Variants in TK2 observed in about 807,000 individuals in gnomAD.
TK2 encodes the protein thymidine kinase 2, also known as thymidine kinase 2, mitochondrial.
Under a neutral mutation model 41.9 loss-of-function variants are expected in TK2, and 35 were observed. The ratio of observed to expected loss-of-function variants is 0.84; its 90% CI spans 0.64 to 1.11. TK2 has a LOEUF of 1.11. TK2 is among the 50% of genes least tolerant of loss of function. The pLI is 0.00. For missense variants in TK2, 320 were observed against 351.1 expected (o/e 0.91, Z 0.71); for synonymous variants, 128 against 129.1 (o/e 0.99, Z 0.06).
At chr16:66,549,679 G>A (rs1965723529) in intron 1 of TK2, 4 of 1,229,672 alleles carry the variant, frequency 3.3e-6, no homozygotes, top group Admixed American at 4.3e-5. Context: ...AGTTTGGGCC[G>A]GAATGTTCAG....
chr16:66,549,327 C>A (rs945502433), intron 1 of TK2: 6 of 1,174,122 alleles, frequency 5.1e-6, no homozygotes, highest in Non-Finnish European at 6.4e-6. Context: ...GCAGAACAGC[C>A]TCCACTCGCG....
At chr16:66,515,140 A>C (rs1471462832) in intron 8 of TK2, among the ~76,000 whole-genome samples, 1 of 151,258 alleles carries the variant, frequency 6.6e-6, no homozygotes, top group Non-Finnish European at 1.5e-5. Context: ...CCCCTCTCCG[A>C]GAAACACCCA....
At chr16:66,524,956 T>C (rs1964887439) in intron 6 of TK2, 1 of 152,312 alleles carries the variant, frequency 6.6e-6, no homozygotes, top group Non-Finnish European at 1.5e-5. Context: ...ATTTGCTGCT[T>C]GCCCCCACAC....
At position 66,512,115 on chromosome 16, in the gene TK2, T is replaced by G. The variant is rs755458950; in HGVS notation, c.700-49A>C. On this transcript the variant is annotated intron_variant, in intron 9 of 9. Coordinates refer to ENST00000544898, the MANE Select transcript of TK2 (RefSeq NM_004614.5). ...CAAGGCTGCACTGACCTCAGCAGCATCCTCCTTTCACAGCTGGAGACAGAC... is the reference window on the plus strand; with the variant it reads ...CAAGGCTGCACTGACCTCAGCAGCAGCCTCCTTTCACAGCTGGAGACAGAC... 3 of 1,518,560 alleles carry G rather than the reference T, an allele frequency of 2.0e-6. No individual in the cohort carries two copies. The South Asian group carries it at 3.4e-5, about 17-fold the overall frequency. 94.1% of individuals were successfully genotyped at this position (1,518,560 alleles called of 1,614,324 possible).
chr16:66,545,399 A>C (rs1965576732), intron 2 of TK2, among the ~76,000 whole-genome samples: 1 of 152,226 alleles, frequency 6.6e-6, no homozygotes, highest in African/African-American at 2.4e-5. Flanking sequence ...CAGTCAAAAG[A>C]AACTTGCCCA....
At chr16:66,530,552 A>C (rs1965077958) in intron 5 of TK2, among the ~76,000 whole-genome samples, 1 of 152,192 alleles carries the variant, frequency 6.6e-6, no homozygotes, top group African/African-American at 2.4e-5. Flanking sequence ...ATTTGAACTA[A>C]GAGCCAGACC....
chr16:66,527,594 G>C (rs533423680), intron 6 of TK2, among the ~76,000 whole-genome samples: 10 of 152,216 alleles, frequency 6.6e-5, no homozygotes, highest in African/African-American at 2.2e-4. Flanking sequence ...TATGGTCCGG[G>C]GGGGTGGGTG....
At chr16:66,525,306 A>G (rs755678726) in intron 6 of TK2, among the ~76,000 whole-genome samples, 3 of 152,242 alleles carry the variant, frequency 2.0e-5, no homozygotes, top group African/African-American at 4.8e-5. Context: ...CATGCAAAGC[A>G]TGGTGTTTAA....
intron 6 of TK2, among the ~76,000 whole-genome samples, chr16:66,522,165 C>T: frequency 6.6e-6 from 1 of 152,184 alleles, no homozygotes; most frequent in East Asian, 1.9e-4. Context: ...CCCAGTCTGT[C>T]AGCTGACTCG....
Position 66,529,083 on chromosome 16 carries a change from A to C in TK2, c.376-16T>G. The C allele has an allele frequency of 6.2e-7, 1 of 1,613,260 alleles. No homozygotes were observed. Among genetic ancestry groups the C allele is most frequent in the South Asian group, 1.1e-5 (1 of 91,060 alleles). ...CAGATGACACCTAAAGGAAAACAAA[A>C]AGAGAATCACTAACTCAGGGGAAAA... On this transcript the variant is annotated splice_polypyrimidine_tract_variant and intron_variant, in intron 5 of 9. Coordinates refer to ENST00000544898, the MANE Select transcript of TK2 (RefSeq NM_004614.5).
intron 6 of TK2, among the ~76,000 whole-genome samples, chr16:66,521,956 C>A (rs534184349): frequency 6.6e-6 from 1 of 152,160 alleles, no homozygotes. Context: ...CCAGTCTGTG[C>A]GGAATGGAAT....
chr16:66,531,329 A>C (rs777072850), intron 5 of TK2, 51 bp downstream of exon 5: 2 of 1,575,332 alleles, frequency 1.3e-6, no homozygotes, highest in African/African-American at 2.7e-5. Context: ...CACATACCCC[A>C]AGTCTGAAGA....
chr16:66,533,102 C>T (rs1965167616), intron 4 of TK2, among the ~76,000 whole-genome samples: 2 of 143,704 alleles, frequency 1.4e-5, no homozygotes, highest in South Asian at 2.6e-4. Flanking sequence ...CAGAGTCTTG[C>T]TCTGTCACCC....
At chr16:66,525,592 A>C (rs1964907218) in intron 6 of TK2, among the ~76,000 whole-genome samples, 1 of 151,980 alleles carries the variant, frequency 6.6e-6, no homozygotes, top group African/African-American at 2.4e-5. Context: ...CTCTCTGGAG[A>C]CCATGGTAGA....
At chr16:66,516,421 C>T (rs189821941) in intron 8 of TK2, among the ~76,000 whole-genome samples, 159 of 152,222 alleles carry the variant, frequency 1.0e-3, no homozygotes, top group African/African-American at 3.7e-3. Context: ...GGTCATAAGC[C>T]GTATTACAAA....
intron 8 of TK2, among the ~76,000 whole-genome samples, chr16:66,515,450 C>T (rs1964584228): frequency 1.3e-5 from 2 of 152,262 alleles, no homozygotes; most frequent in Admixed American, 6.5e-5. Context: ...CCTCCTGAGC[C>T]ATGGGGCCTG....
rs1248631713 is a variant in TK2, at chr16:66,542,034, T to G, written c.157-81A>C. Reference sequence around the variant, plus strand: ...AGGGAATAATGGCTACGGAAAGGGCTCATGTAACCAGCATAATTGGTTCAG... The same window carrying G: ...AGGGAATAATGGCTACGGAAAGGGCGCATGTAACCAGCATAATTGGTTCAG... On this transcript the variant is annotated intron_variant, in intron 2 of 9. Coordinates refer to ENST00000544898, the MANE Select transcript of TK2 (RefSeq NM_004614.5). 21 of 1,451,510 alleles carry G rather than the reference T, an allele frequency of 1.4e-5. No homozygotes were observed. The East Asian group carries it at 4.8e-4, about 33-fold the overall frequency. 89.9% of individuals were successfully genotyped at this position (1,451,510 alleles called of 1,614,324 possible). A position where few individuals can be genotyped will look rare whatever the true frequency, so the allele number is the denominator to read the frequency against.
intron 3 of TK2, among the ~76,000 whole-genome samples, chr16:66,538,401 T>C (rs749484613): frequency 2.0e-5 from 3 of 152,148 alleles, no homozygotes; most frequent in African/African-American, 7.2e-5. Flanking sequence ...CTAGGTCTTC[T>C]TCCTAGCCCC....
chr16:66,544,488 A>G (rs752258030), intron 2 of TK2, among the ~76,000 whole-genome samples: 1 of 152,204 alleles, frequency 6.6e-6, no homozygotes, highest in Admixed American at 6.5e-5. Flanking sequence ...TTGAAGGCCT[A>G]TGCTGTGCCA....
Sources: gnomAD v4.1 joint callset for allele counts (sites outside exome capture counted in the v4.1 genomes callset) on GRCh38, gnomAD v4.1.1 for gene constraint, MANE v1.5 for transcripts, NCBI Gene and HGNC (gene_info 2026-07-23, HGNC 2026-07-21) for gene names.